The following ZSCAN23 variants were observed in gnomAD, a reference collection of about 807,000 sequenced individuals.
ZSCAN23 encodes zinc finger and SCAN domain-containing protein 23.
ZSCAN23 carries 19 observed loss-of-function variants against 19.3 expected under a neutral mutation model. The observed-to-expected ratio is 0.99, with a 90% CI of 0.69 to 1.45. ZSCAN23 has a LOEUF of 1.45. Ranked by LOEUF, ZSCAN23 falls within the 40% of genes most tolerant of loss-of-function variation. ZSCAN23 has a pLI of 0.00. For synonymous variants in ZSCAN23, 140 were observed against 166.2 expected, an observed-to-expected ratio of 0.84 and a Z score of 1.21; for missense variants, 372 against 462.5, an observed-to-expected ratio of 0.80 and a Z score of 1.79.
At chr6:28,440,272 T>C (rs1049534691) in intron 1 of ZSCAN23, among the ~76,000 whole-genome samples, 6 of 152,202 alleles carry the variant, frequency 3.9e-5, no homozygotes, top group Non-Finnish European at 7.3e-5. Context: ...GAACTGATCA[T>C]GAAAGGCAGT....
chr6:28,423,183 G>T, the ZSCAN23 span, among the ~76,000 whole-genome samples: 43 of 152,304 alleles, frequency 2.8e-4, no homozygotes, highest in Middle Eastern at 6.8e-3. Flanking sequence ...TCTGTCATCT[G>T]CAAGGGCAGG....
At chr6:28,441,557 A>G (rs1379192099) in intron 1 of ZSCAN23, among the ~76,000 whole-genome samples, 1 of 151,854 alleles carries the variant, frequency 6.6e-6, no homozygotes, top group African/African-American at 2.4e-5. Flanking sequence ...CCAACTGCCC[A>G]CTCATATGTC....
At position 28,434,553 on chromosome 6, in the gene ZSCAN23, T is replaced by A. The variant is rs765633728; in HGVS notation, c.1082A>T (p.Tyr361Phe). The A allele has an allele frequency of 4.5e-6, 7 of 1,553,880 alleles. No homozygotes were observed. The highest frequency in any genetic ancestry group is 2.0e-5 in the Admixed American group (1 of 51,136). The change falls in exon 4 of 4, where the codon TAT becomes TTT. Residue 361 changes from tyrosine to phenylalanine, a missense_variant. Coordinates refer to ENST00000289788, the MANE Select transcript of ZSCAN23 (RefSeq NM_001012455.2). ...HQRIHTGERP[Y>F]ECEECGKNFI... ...GTTCTTGCCACATTCTTCACATTCATAAGGTCTCTCTCCAGTGTGAATTCT... is the reference window on the plus strand; with the variant it reads ...GTTCTTGCCACATTCTTCACATTCAAAAGGTCTCTCTCCAGTGTGAATTCT...
At chr6:28,438,351 C>T (rs756805477) in intron 1 of ZSCAN23, among the ~76,000 whole-genome samples, 44 of 152,130 alleles carry the variant, frequency 2.9e-4, no homozygotes, top group Non-Finnish European at 5.7e-4. Flanking sequence ...CCCGCCTTGG[C>T]CTCCCAATGT....
chr6:28,428,679 C>G (rs1761700335), downstream of ZSCAN23, among the ~76,000 whole-genome samples: 1 of 152,146 alleles, frequency 6.6e-6, no homozygotes, highest in Admixed American at 6.5e-5. Flanking sequence ...TTCACCACAC[C>G]ACTTCTAGAA....
chr6:28,423,435 A>G, the ZSCAN23 span, among the ~76,000 whole-genome samples: 1 of 152,182 alleles, frequency 6.6e-6, no homozygotes, highest in Non-Finnish European at 1.5e-5. Flanking sequence ...TCTTCAGTAC[A>G]GACAGCCTCT....
At chr6:28,424,758 G>A in the ZSCAN23 span, among the ~76,000 whole-genome samples, 1 of 152,178 alleles carries the variant, frequency 6.6e-6, no homozygotes, top group African/African-American at 2.4e-5. Context: ...TCTAATTCTA[G>A]TTCTCTTGCT....
chr6:28,440,059 T>C (rs1761972143), intron 1 of ZSCAN23, among the ~76,000 whole-genome samples: 2 of 152,262 alleles, frequency 1.3e-5, no homozygotes, highest in African/African-American at 2.4e-5. Context: ...CTTGATAAGG[T>C]AATGGTTGAA....
intron 1 of ZSCAN23, among the ~76,000 whole-genome samples, chr6:28,442,031 C>T (rs533156506): frequency 6.6e-6 from 1 of 151,994 alleles, no homozygotes; most frequent in Non-Finnish European, 1.5e-5. Context: ...GGACCCACCA[C>T]CACTCCTGGC....
At chr6:28,421,633 C>A in the ZSCAN23 span, among the ~76,000 whole-genome samples, 3 of 152,142 alleles carry the variant, frequency 2.0e-5, no homozygotes, top group Non-Finnish European at 2.9e-5. Flanking sequence ...TTTGATCAAG[C>A]CTGTACATTA....
the ZSCAN23 span, among the ~76,000 whole-genome samples, chr6:28,425,430 CA>C: frequency 6.6e-6 from 1 of 152,116 alleles, no homozygotes; most frequent in African/African-American, 2.4e-5. Context: ...CAGGCTCAAG[CA>C]ATCTACCCAC....
At chr6:28,438,019 A>G (rs17315739) in intron 1 of ZSCAN23, among the ~76,000 whole-genome samples, 8,426 of 152,076 alleles carry the variant, frequency 0.055, 321 homozygotes, top group South Asian at 0.17. Flanking sequence ...CTGTAGAATA[A>G]AATATTTTTG....
chr6:28,430,455 C>A (rs565231256), downstream of ZSCAN23, among the ~76,000 whole-genome samples: 1 of 152,192 alleles, frequency 6.6e-6, no homozygotes, highest in Non-Finnish European at 1.5e-5. Context: ...ACTCTGCCCC[C>A]AAGGGTCAAA....
the ZSCAN23 span, among the ~76,000 whole-genome samples, chr6:28,423,997 T>C: frequency 6.6e-6 from 1 of 152,176 alleles, no homozygotes; most frequent in Non-Finnish European, 1.5e-5. Context: ...TTCAGTGAAA[T>C]ATTCAGATGA....
chr6:28,427,323 A>G (rs1373086478), downstream of ZSCAN23, among the ~76,000 whole-genome samples: 1 of 152,212 alleles, frequency 6.6e-6, no homozygotes, highest in Non-Finnish European at 1.5e-5. Context: ...TGGTTTTTGT[A>G]GCGTTTAGCC....
chr6:28,436,083 G>A lies in ZSCAN23; in HGVS notation c.184C>T (p.Pro62Ser), dbSNP rs1159909834. ...RQFCYQESPG[P>S]REALQRLQEL... ...TGGAGTCTTTGAAGAGCCTCCCGGG[G>A]CCCAGGGGACTCCTGATAGCAGAAC... The change falls in exon 2 of 4, where the codon CCC becomes TCC. Residue 62 changes from proline to serine, a missense_variant. Pro to Ser is a moderately conservative substitution (Grantham distance 74). Coordinates refer to ENST00000289788, the MANE Select transcript of ZSCAN23 (RefSeq NM_001012455.2). 1.2e-6 allele frequency: 2 copies of A among 1,614,000 alleles called. No individual in the cohort carries two copies. The highest frequency in any genetic ancestry group is 2.7e-5 in the African/African-American group (2 of 74,932).
intron 1 of ZSCAN23, among the ~76,000 whole-genome samples, chr6:28,441,617 A>G (rs1762003355): frequency 6.6e-6 from 1 of 152,060 alleles, no homozygotes; most frequent in Non-Finnish European, 1.5e-5. Context: ...TTTATCTTGT[A>G]CCATTACTTC....
At chr6:28,441,294 A>G (rs1040564789) in intron 1 of ZSCAN23, among the ~76,000 whole-genome samples, 3 of 152,184 alleles carry the variant, frequency 2.0e-5, no homozygotes, top group African/African-American at 7.2e-5. Flanking sequence ...ACTCTCAAGC[A>G]CAGTTTAAAA....
rs1761877370 is a variant in ZSCAN23 at position 28,435,989 on chromosome 6, A to G, written c.278T>C (p.Leu93Pro). 2 of 1,614,134 alleles carry G rather than the reference A, an allele frequency of 1.2e-6. No individual in the cohort carries two copies. Among genetic ancestry groups the G allele is most frequent in the Admixed American group, 1.7e-5 (1 of 60,010 alleles). The change falls in exon 2 of 4, where the codon CTG becomes CCG. Residue 93 changes from leucine (L) to proline (P), a missense_variant. Transcript: ENST00000289788. ...AGGCAGGATAGTCAGGAACTGCTCC[A>G]GCACCAGCAGCTCTAGGATCTGCTC... ...TKEQILELLV[L>P]EQFLTILPEE...
Sources: allele counts gnomAD v4.1 joint callset (sites outside exome capture counted in the v4.1 genomes callset), GRCh38; gene constraint gnomAD v4.1.1; transcripts MANE v1.5; gene names NCBI Gene and HGNC (gene_info 2026-07-23, HGNC 2026-07-21).